GRM7: variants seen among roughly 807,000 people sequenced by gnomAD.
The protein encoded by GRM7 is metabotropic glutamate receptor 7.
In GRM7, 35 loss-of-function variants were observed where a neutral mutation model predicts 84.5. The observed-to-expected ratio is 0.41, with a 90% CI of 0.32 to 0.55. The LOEUF is 0.55. GRM7 is among the 20% of genes least tolerant of loss of function. The pLI, the probability that GRM7 is intolerant of heterozygous loss-of-function variation, is 0.19. For synonymous variants in GRM7, 487 were observed against 455.1 expected, an observed-to-expected ratio of 1.07 and a Z score of -0.89; for missense variants, 1,003 against 1,194.6, an observed-to-expected ratio of 0.84 and a Z score of 2.36.
chr3:7,295,824 T>C (rs987158825), intron 2 of GRM7, among the ~76,000 whole-genome samples: 2 of 146,978 alleles, frequency 1.4e-5, no homozygotes, highest in African/African-American at 5.0e-5. Context: ...GATAGCTTTT[T>C]TTTGGGGGGG....
At chr3:6,955,772 G>A (rs1378187053) in intron 1 of GRM7, among the ~76,000 whole-genome samples, 1 of 149,370 alleles carries the variant, frequency 6.7e-6, no homozygotes, top group Non-Finnish European at 1.5e-5. Context: ...AACCCTTAAG[G>A]CAGAGATTGC....
At chr3:7,409,501 T>C (rs1362057241) in intron 4 of GRM7, among the ~76,000 whole-genome samples, 9 of 152,194 alleles carry the variant, frequency 5.9e-5, no homozygotes, top group South Asian at 4.1e-4. Flanking sequence ...GGTTATTGTT[T>C]GTGTATATAA....
At chr3:6,894,541 A>G (rs1224907278) in intron 1 of GRM7, among the ~76,000 whole-genome samples, 1 of 152,168 alleles carries the variant, frequency 6.6e-6, no homozygotes, top group Admixed American at 6.5e-5. Context: ...TAATATATAC[A>G]TACATCTCTA....
At chr3:7,164,500 G>C (rs1412150431) in intron 2 of GRM7, among the ~76,000 whole-genome samples, 1 of 152,176 alleles carries the variant, frequency 6.6e-6, no homozygotes, top group Non-Finnish European at 1.5e-5. Flanking sequence ...CTCATACCTT[G>C]AACCATCTGT....
chr3:7,580,082 A>C (rs1695172978), intron 8 of GRM7, among the ~76,000 whole-genome samples: 1 of 152,230 alleles, frequency 6.6e-6, no homozygotes, highest in Non-Finnish European at 1.5e-5. Context: ...GCTAGTTCAC[A>C]TGCACCTTCC....
chr3:7,049,953 A>G (rs980864012), intron 1 of GRM7, among the ~76,000 whole-genome samples: 1 of 151,896 alleles, frequency 6.6e-6, no homozygotes, highest in African/African-American at 2.4e-5. Context: ...ATACCATATT[A>G]AAGAGTTTTG....
At chr3:6,881,863 G>A (rs1695523002) in intron 1 of GRM7, among the ~76,000 whole-genome samples, 1 of 151,722 alleles carries the variant, frequency 6.6e-6, no homozygotes, top group Admixed American at 6.6e-5. Flanking sequence ...GGCTAAAAAT[G>A]TTTAGTCAAT....
chr3:7,589,632 G>T (rs1695687145), intron 8 of GRM7, among the ~76,000 whole-genome samples: 1 of 152,140 alleles, frequency 6.6e-6, no homozygotes, highest in Admixed American at 6.5e-5. Context: ...TGGATGATTG[G>T]TAAGCAAGCT....
chr3:7,347,943 G>T (rs575008047), intron 4 of GRM7, among the ~76,000 whole-genome samples: 1 of 152,236 alleles, frequency 6.6e-6, no homozygotes, highest in African/African-American at 2.4e-5. Flanking sequence ...AAAGCATTGT[G>T]CTGAATGCAC....
chr3:6,882,143 T>G (rs533219252), intron 1 of GRM7, among the ~76,000 whole-genome samples: 6 of 152,216 alleles, frequency 3.9e-5, no homozygotes, highest in African/African-American at 1.4e-4. Context: ...CTTTGAAAGG[T>G]ATAGCATACC....
chr3:7,156,624 C>A (rs9870230), intron 2 of GRM7, among the ~76,000 whole-genome samples: 34,835 of 152,060 alleles, frequency 0.23, 4,459 homozygotes, highest in African/African-American at 0.35. Context: ...TTACAGTTGA[C>A]TGTGTACAAA....
At chr3:7,442,516 T>TA (rs5846511) in intron 5 of GRM7, among the ~76,000 whole-genome samples, 152,213 of 152,214 alleles carry the variant, frequency 1, 76,106 homozygotes, top group Non-Finnish European at 1. Flanking sequence ...TAAACTTTGA[T>TA]AAAACTGATG....
chr3:7,589,209 A>G (rs1695661434), intron 8 of GRM7, among the ~76,000 whole-genome samples: 2 of 152,238 alleles, frequency 1.3e-5, no homozygotes, highest in South Asian at 4.1e-4. Context: ...CAGCAATCAG[A>G]TCATTGTCTT....
rs78181980 is a variant in GRM7 at position 7,229,065 on chromosome 3, G to T, written c.737-69619G>T. Among the ~76,000 whole-genome samples the T allele has an allele frequency of 1.1e-4, 17 of 152,136 alleles. No homozygotes were observed. In the East Asian group the frequency reaches 3.1e-3, roughly 28 times the overall value. The stretch of plus-strand genomic sequence containing the variant: ...TACAGTGAAATCAGTTGACTTCAGT[G>T]CTTATTTCTAATGTCCATTGTGATC... On this transcript the variant is annotated intron_variant, in intron 2 of 9. Transcript: ENST00000357716.
chr3:7,200,957 T>G (rs1021705742), intron 2 of GRM7, among the ~76,000 whole-genome samples: 3 of 145,658 alleles, frequency 2.1e-5, no homozygotes, highest in Admixed American at 7.0e-5. Flanking sequence ...GGGGGAAACA[T>G]TTCAGAATTT....
chr3:7,417,317 A>T (rs1274530838), intron 5 of GRM7, among the ~76,000 whole-genome samples: 1 of 152,022 alleles, frequency 6.6e-6, no homozygotes, highest in East Asian at 1.9e-4. Context: ...AGATACTGTT[A>T]CCATTACCGT....
chr3:7,073,059 G>A (rs1697943734), intron 1 of GRM7, among the ~76,000 whole-genome samples: 1 of 152,026 alleles, frequency 6.6e-6, no homozygotes, highest in Admixed American at 6.6e-5. Context: ...GAAATGCGAT[G>A]TATTTTCATG....
intron 7 of GRM7, among the ~76,000 whole-genome samples, chr3:7,499,506 A>C (rs936562471): frequency 2.8e-4 from 42 of 152,290 alleles, no homozygotes; most frequent in African/African-American, 9.6e-4. Flanking sequence ...ATAAAAGCTA[A>C]TGTTTACTTG....
chr3:6,966,368 A>G (rs1026335190), intron 1 of GRM7, among the ~76,000 whole-genome samples: 4 of 152,192 alleles, frequency 2.6e-5, no homozygotes, highest in African/African-American at 9.7e-5. Context: ...TAAGGATGCA[A>G]GGTTGGACTA....
Sources: allele counts gnomAD v4.1 joint callset (sites outside exome capture counted in the v4.1 genomes callset), GRCh38; gene constraint gnomAD v4.1.1; transcripts MANE v1.5; gene names NCBI Gene and HGNC (gene_info 2026-07-23, HGNC 2026-07-21).